ROBO2: variants seen among roughly 807,000 people sequenced by gnomAD.
ROBO2 encodes roundabout homolog 2.
In ROBO2, 53 loss-of-function variants were observed where a neutral mutation model predicts 160.8. That is an observed-to-expected ratio of 0.33 (90% CI 0.26 to 0.41). The LOEUF (loss-of-function observed/expected upper bound fraction) is 0.41, where lower values mean the gene tolerates loss of function less well. Ranked by LOEUF, ROBO2 falls within the 10% of genes least tolerant of loss-of-function variation. ROBO2 has a pLI of 1.00. For missense variants in ROBO2, 1,577 were observed against 1,722.4 expected (o/e 0.92, Z 1.49); for synonymous variants, 664 against 611.7 (o/e 1.09, Z -1.26).
At chr3:76,707,431 T>C (rs1263515167) in intron 2 of ROBO2, among the ~76,000 whole-genome samples, 1 of 152,020 alleles carries the variant, frequency 6.6e-6, no homozygotes, top group Non-Finnish European at 1.5e-5. Context: ...GACAAACCAC[T>C]TTTTTCCTAT....
At chr3:77,293,553 A>T (rs1434760288) in intron 2 of ROBO2, among the ~76,000 whole-genome samples, 5 of 147,578 alleles carry the variant, frequency 3.4e-5, no homozygotes, top group African/African-American at 2.6e-5. Context: ...AGCACTAAAG[A>T]CATAAAGTAA....
chr3:77,443,255 AT>A, intron 2 of ROBO2, among the ~76,000 whole-genome samples: 1 of 152,290 alleles, frequency 6.6e-6, no homozygotes, highest in East Asian at 1.9e-4. Flanking sequence ...TAATCTTCAA[AT>A]AATTCTCATA....
rs151250071 is a variant in ROBO2 at position 76,125,658 on chromosome 3, G to C, written c.109+188056G>C. ...CCACACATATGTCTTCTACTGAGAGGCAAACACAGAAACATTTTAAAGTTA... is the reference window on the plus strand; with the variant it reads ...CCACACATATGTCTTCTACTGAGAGCCAAACACAGAAACATTTTAAAGTTA... On this transcript the variant is annotated intron_variant, in intron 2 of 26. Coordinates refer to the ROBO2 transcript ENST00000487694. Among the ~76,000 whole-genome samples, 1,083 of 151,952 alleles carry C rather than the reference G, an allele frequency of 7.1e-3. 12 individuals carry two copies. Among genetic ancestry groups the C allele is most frequent in the African/African-American group, 0.025 (1,045 of 41,446 alleles).
At chr3:77,164,119 G>A (rs1031647440) in intron 2 of ROBO2, among the ~76,000 whole-genome samples, 1 of 152,190 alleles carries the variant, frequency 6.6e-6, no homozygotes, top group Admixed American at 6.5e-5. Flanking sequence ...TTTGCAAGAT[G>A]TAACCATTGG....
At chr3:76,928,933 G>T (rs773607188) in intron 2 of ROBO2, among the ~76,000 whole-genome samples, 4 of 152,076 alleles carry the variant, frequency 2.6e-5, no homozygotes, top group Admixed American at 6.5e-5. Context: ...GGGTTGCTCA[G>T]TACTCACAGA....
intron 2 of ROBO2, among the ~76,000 whole-genome samples, chr3:77,239,566 AC>A (rs772126323): frequency 2.0e-5 from 3 of 151,906 alleles, no homozygotes; most frequent in Non-Finnish European, 2.9e-5. Flanking sequence ...ATCTGACCCC[AC>A]CCACATCTTG....
chr3:76,359,313 A>G (rs2075368612), intron 2 of ROBO2, among the ~76,000 whole-genome samples: 1 of 152,020 alleles, frequency 6.6e-6, no homozygotes, highest in Non-Finnish European at 1.5e-5. Flanking sequence ...ATTGAAAGAG[A>G]CGTTCATCTG....
At chr3:76,082,020 T>C (rs1008981259) in intron 2 of ROBO2, among the ~76,000 whole-genome samples, 2 of 152,142 alleles carry the variant, frequency 1.3e-5, no homozygotes, top group Non-Finnish European at 2.9e-5. Flanking sequence ...CCCCCAACCG[T>C]TAATCTCCTT....
intron 2 of ROBO2, among the ~76,000 whole-genome samples, chr3:77,018,397 T>C (rs2149493594): frequency 6.6e-6 from 1 of 152,292 alleles, no homozygotes; most frequent in East Asian, 1.9e-4. Context: ...ATATTCTAAA[T>C]ATATCCTATT....
At chr3:76,523,199 T>A (rs2081736572) in intron 2 of ROBO2, among the ~76,000 whole-genome samples, 1 of 151,836 alleles carries the variant, frequency 6.6e-6, no homozygotes, top group Admixed American at 6.6e-5. Context: ...AATTGTCCCA[T>A]TTTTGGTGTG....
Position 77,339,962 on chromosome 3 carries a change from G to C in ROBO2, c.389-137452G>C, listed in dbSNP as rs1054250143. 1.1e-4 allele frequency among the ~76,000 whole-genome samples: 17 copies of C among 152,018 alleles called. 1 individual carries two copies. The highest frequency in any genetic ancestry group is 2.9e-5 in the Non-Finnish European group (2 of 67,968). ...AGCAGCTTTATTTGATGGCAAATGAGATGCCCCAAGTTGCAAGCTTTCCAT... is the reference window on the plus strand; with the variant it reads ...AGCAGCTTTATTTGATGGCAAATGACATGCCCCAAGTTGCAAGCTTTCCAT... On this transcript the variant is annotated intron_variant, in intron 2 of 25. Coordinates refer to ENST00000461745, the Ensembl canonical transcript of ROBO2.
At chr3:76,037,234 A>T (rs6799365) in intron 2 of ROBO2, among the ~76,000 whole-genome samples, 13,132 of 151,506 alleles carry the variant, frequency 0.087, 1,671 homozygotes, top group African/African-American at 0.27. Context: ...ATGCTAAATT[A>T]AAAATGCATG....
intron 6 of ROBO2, among the ~76,000 whole-genome samples, chr3:77,531,135 G>A (rs896109737): frequency 3.9e-5 from 6 of 151,900 alleles, no homozygotes; most frequent in African/African-American, 1.5e-4. Context: ...TGATTGCCTG[G>A]AGTATAAAAC....
chr3:76,917,075 TG>T (rs2076362959), intron 2 of ROBO2, among the ~76,000 whole-genome samples: 1 of 152,142 alleles, frequency 6.6e-6, no homozygotes, highest in Non-Finnish European at 1.5e-5. Flanking sequence ...GCGTTGATAA[TG>T]ATAACCGACA....
intron 2 of ROBO2, among the ~76,000 whole-genome samples, chr3:77,420,050 G>A (rs2077575836): frequency 6.6e-6 from 1 of 151,818 alleles, no homozygotes; most frequent in African/African-American, 2.4e-5. Flanking sequence ...GAGAACCATT[G>A]GTGTAGGTTT....
rs972542021 is a variant in ROBO2 at position 76,642,833 on chromosome 3, C to A, written c.110-455181C>A. Among the ~76,000 whole-genome samples, 3 of 152,070 alleles carry A rather than the reference C, an allele frequency of 2.0e-5. No individual in the cohort carries two copies. In the South Asian group the frequency reaches 6.2e-4, roughly 31 times the overall value. On this transcript the variant is annotated intron_variant, in intron 2 of 26. Transcript: ENST00000487694. ...CCATGAAATATTAAGTGAGCTCTTA[C>A]AAAATAACTGAAAGTATTTGCATTC...
intron 2 of ROBO2, among the ~76,000 whole-genome samples, chr3:76,421,330 A>G (rs2075986698): frequency 6.6e-6 from 1 of 152,228 alleles, no homozygotes; most frequent in African/African-American, 2.4e-5. Flanking sequence ...CAATAGCCGA[A>G]AAAAGGTTCA....
intron 2 of ROBO2, among the ~76,000 whole-genome samples, chr3:76,624,408 G>T (rs1286730740): frequency 6.6e-6 from 1 of 152,050 alleles, no homozygotes. Context: ...TATAGAGCCA[G>T]GCTTTCTCTT....
intron 2 of ROBO2, among the ~76,000 whole-genome samples, chr3:76,792,575 A>G (rs1207454071): frequency 1.3e-5 from 2 of 151,828 alleles, no homozygotes; most frequent in Non-Finnish European, 2.9e-5. Context: ...TCTTAAGAAT[A>G]GAAAAAATTT....
Sources: gnomAD v4.1 joint callset for allele counts (sites outside exome capture counted in the v4.1 genomes callset) on GRCh38, gnomAD v4.1.1 for gene constraint, MANE v1.5 for transcripts, NCBI Gene and HGNC (gene_info 2026-07-23, HGNC 2026-07-21) for gene names.